Variants in RGS6 observed in about 807,000 individuals in gnomAD.
The protein encoded by RGS6 is regulator of G protein signaling 6, also known as regulator of G-protein signaling 6.
Under a neutral mutation model 78.5 loss-of-function variants are expected in RGS6, and 30 were observed. The ratio of observed to expected loss-of-function variants is 0.38; its 90% CI spans 0.29 to 0.52. The LOEUF (loss-of-function observed/expected upper bound fraction) is 0.52, where lower values mean the gene tolerates loss of function less well. Among genes scored for constraint, RGS6 ranks in the 20% least tolerant of loss-of-function variants. The pLI is 0.85. For synonymous variants in RGS6, 206 were observed against 206.0 expected (o/e 1.00, Z 0.00); for missense variants, 495 against 609.7 (o/e 0.81, Z 1.98).
chr14:72,107,257 G>A (rs2095653050), intron 2 of RGS6, among the ~76,000 whole-genome samples: 1 of 151,902 alleles, frequency 6.6e-6, no homozygotes, highest in South Asian at 2.1e-4. Flanking sequence ...AAAAAAACAT[G>A]AACTACTAGG....
intron 2 of RGS6, among the ~76,000 whole-genome samples, chr14:72,059,100 A>G (rs1476525549): frequency 3.3e-5 from 5 of 152,048 alleles, no homozygotes; most frequent in South Asian, 4.2e-4. Flanking sequence ...GGGTTTTGCC[A>G]TGTTAGCTAG....
intron 3 of RGS6, among the ~76,000 whole-genome samples, chr14:72,391,389 T>C (rs2089948833): frequency 6.6e-6 from 1 of 152,192 alleles, no homozygotes; most frequent in African/African-American, 2.4e-5. Context: ...CAAGCATCCA[T>C]CATCGTATGT....
chr14:72,549,113 C>G (rs769446200), intron 17 of RGS6, among the ~76,000 whole-genome samples: 24 of 152,288 alleles, frequency 1.6e-4, no homozygotes, highest in Non-Finnish European at 3.2e-4. Flanking sequence ...GGAGAGGGAT[C>G]TGAAAGACTC....
chr14:72,616,790 C>T, the RGS6 span, among the ~76,000 whole-genome samples: 1 of 152,162 alleles, frequency 6.6e-6, no homozygotes, highest in Non-Finnish European at 1.5e-5. Flanking sequence ...AAAAAAGAGA[C>T]CAATTTAAAG....
chr14:72,229,582 ACAGAGT>A (rs1390919753), intron 2 of RGS6, among the ~76,000 whole-genome samples: 1 of 152,186 alleles, frequency 6.6e-6, no homozygotes, highest in African/African-American at 2.4e-5. Context: ...CAGATAACTG[ACAGAGT>A]CATTTAGGGC....
At chr14:72,548,342 T>TGTGTGTGTGTGTGTGTGTGTGCGC (rs796698263) in intron 17 of RGS6, among the ~76,000 whole-genome samples, 5 of 134,824 alleles carry the variant, frequency 3.7e-5, no homozygotes, top group African/African-American at 1.6e-4. Context: ...TGTGTGTGTG[T>TGTGTGTGTGTGTGTGTGTGTGCGC]GCGCGCGTGT....
At chr14:72,407,054 T>C (rs542910081) in intron 3 of RGS6, among the ~76,000 whole-genome samples, 10 of 152,338 alleles carry the variant, frequency 6.6e-5, no homozygotes, top group South Asian at 6.2e-4. Context: ...TTTAGTTACA[T>C]TGATGTTGTT....
the RGS6 span, among the ~76,000 whole-genome samples, chr14:72,603,456 G>T: frequency 6.6e-6 from 1 of 152,226 alleles, no homozygotes; most frequent in African/African-American, 2.4e-5. Flanking sequence ...GGCAAACTGT[G>T]CTCCACTCCC....
intron 2 of RGS6, among the ~76,000 whole-genome samples, chr14:72,256,763 T>G (rs996749000): frequency 6.6e-6 from 1 of 152,192 alleles, no homozygotes; most frequent in African/African-American, 2.4e-5. Flanking sequence ...GAGTGAGCTA[T>G]TTTGCTGACT....
intron 2 of RGS6, among the ~76,000 whole-genome samples, chr14:72,169,225 G>C (rs935504209): frequency 2.6e-5 from 4 of 152,116 alleles, no homozygotes; most frequent in African/African-American, 9.7e-5. Context: ...TTGATTCTTC[G>C]GGTGGAGTAA....
chr14:72,348,807 T>C (rs1302204175), intron 2 of RGS6, among the ~76,000 whole-genome samples: 1 of 152,270 alleles, frequency 6.6e-6, no homozygotes, highest in Non-Finnish European at 1.5e-5. Flanking sequence ...ATGCATTTTT[T>C]CAGAGTGTTG....
At chr14:72,445,000 G>A (rs2095327394) in intron 3 of RGS6, among the ~76,000 whole-genome samples, 1 of 152,114 alleles carries the variant, frequency 6.6e-6, no homozygotes, top group African/African-American at 2.4e-5. Context: ...GCGAGGACAG[G>A]CCAAAAAGGT....
At chr14:72,595,342 C>T in the RGS6 span, among the ~76,000 whole-genome samples, 1 of 152,080 alleles carries the variant, frequency 6.6e-6, no homozygotes, top group Non-Finnish European at 1.5e-5. Context: ...TAATCATGAA[C>T]GTGAATCTTT....
the RGS6 span, among the ~76,000 whole-genome samples, chr14:71,891,485 G>A: frequency 6.6e-6 from 1 of 152,238 alleles, no homozygotes; most frequent in South Asian, 2.1e-4. Context: ...CCAGCAGGTG[G>A]TATCCTGATT....
At chr14:71,986,525 A>G (rs1485187330) in intron 2 of RGS6, among the ~76,000 whole-genome samples, 1 of 151,020 alleles carries the variant, frequency 6.6e-6, no homozygotes, top group Admixed American at 6.6e-5. Context: ...ACATGATGAG[A>G]CCCCATCTCT....
intron 2 of RGS6, among the ~76,000 whole-genome samples, chr14:72,225,479 A>G (rs1270526920): frequency 6.6e-6 from 1 of 152,050 alleles, no homozygotes; most frequent in Non-Finnish European, 1.5e-5. Context: ...ATGCATCACC[A>G]TGCCTGGCTA....
intron 2 of RGS6, among the ~76,000 whole-genome samples, chr14:72,043,346 A>C (rs2092581170): frequency 6.6e-6 from 1 of 152,140 alleles, no homozygotes. Flanking sequence ...TAAATTTTCT[A>C]TATATATACA....
Position 71,999,968 on chromosome 14 carries a change from T to C in RGS6, c.84+35093T>C, listed in dbSNP as rs545524441. On this transcript the variant is annotated intron_variant, in intron 2 of 17. Transcript: ENST00000553525. ...GGAGTCAAAAACTGCAAGAGAAGTT[T>C]AGGAAAACAGCTAGAAATGGAAACT... 9.2e-5 allele frequency among the ~76,000 whole-genome samples: 14 copies of C among 152,120 alleles called. 1 individual carries two copies. The highest frequency in any genetic ancestry group is 1.8e-4 in the Non-Finnish European group (12 of 68,014).
At position 72,433,214 on chromosome 14, in the gene RGS6, A is replaced by G. The variant is rs886392697; in HGVS notation, c.185-21314A>G. On this transcript the variant is annotated intron_variant, in intron 3 of 17. Coordinates refer to ENST00000553525, the MANE Select transcript of RGS6 (RefSeq NM_001204424.2). ...CAGAAATTGCCTGAAAACAAATCACAGGTTGAAACTAGAAATAACTTCCCT... is the reference window on the plus strand; with the variant it reads ...CAGAAATTGCCTGAAAACAAATCACGGGTTGAAACTAGAAATAACTTCCCT... Among the ~76,000 whole-genome samples, 142 of 152,258 alleles carry G rather than the reference A, an allele frequency of 9.3e-4. 2 individuals are homozygous for G. The highest frequency in any genetic ancestry group is 3.3e-3 in the African/African-American group (139 of 41,538).
Sources: allele counts gnomAD v4.1 joint callset (sites outside exome capture counted in the v4.1 genomes callset), GRCh38; gene constraint gnomAD v4.1.1; transcripts MANE v1.5; gene names NCBI Gene and HGNC (gene_info 2026-07-23, HGNC 2026-07-21).